The following CNTN1 variants were observed in gnomAD, a reference collection of about 807,000 sequenced individuals.
The protein encoded by CNTN1 is contactin 1, also known as contactin-1.
A neutral mutation model predicts 126.4 loss-of-function variants in CNTN1; 38 were observed. The observed-to-expected ratio is 0.30, with a 90% CI of 0.23 to 0.39. The LOEUF (loss-of-function observed/expected upper bound fraction) is 0.39. Among genes scored for constraint, CNTN1 ranks in the 10% least tolerant of loss-of-function variants. The probability of loss-of-function intolerance (pLI) is 1.00; values close to 1 mark genes in which losing one functional copy is unlikely to be tolerated. For synonymous variants in CNTN1, 413 were observed against 422.6 expected (o/e 0.98, Z 0.28); for missense variants, 1,009 against 1,248.4 (o/e 0.81, Z 2.89).
intron 23 of CNTN1, among the ~76,000 whole-genome samples, chr12:41,065,459 G>A (rs1053438279): frequency 6.6e-6 from 1 of 152,184 alleles, no homozygotes; most frequent in Non-Finnish European, 1.5e-5. Context: ...CAGAGTTATT[G>A]ACTGGATGTA....
At chr12:40,960,857 T>C (rs892802586) in intron 15 of CNTN1, among the ~76,000 whole-genome samples, 2 of 152,068 alleles carry the variant, frequency 1.3e-5, no homozygotes, top group Non-Finnish European at 2.9e-5. Context: ...GTATATTTAA[T>C]TGAAATTGCT....
At chr12:40,844,069 A>ATTTTTCTTTTTTTTTTTTTTTTTTT (rs1942397558) in intron 1 of CNTN1, among the ~76,000 whole-genome samples, 1 of 84,684 alleles carries the variant, frequency 1.2e-5, no homozygotes, top group African/African-American at 4.0e-5. Flanking sequence ...TGGCACAATG[A>ATTTTTCTTTTTTTTTTTTTTTTTTT]TTTTTTTTTT....
intron 1 of CNTN1, among the ~76,000 whole-genome samples, chr12:40,861,480 G>A (rs184485469): frequency 1.1e-4 from 17 of 152,112 alleles, no homozygotes; most frequent in African/African-American, 3.9e-4. Flanking sequence ...AAGAAAATAA[G>A]TGTAAGTAAT....
chr12:40,941,864 T>G (rs570744991), intron 12 of CNTN1, among the ~76,000 whole-genome samples: 2 of 152,222 alleles, frequency 1.3e-5, no homozygotes, highest in Admixed American at 1.3e-4. Context: ...TAGTCTATAT[T>G]ACTTTAAGAA....
At position 41,053,440 on chromosome 12, in the gene CNTN1, T is replaced by TATATATATATATATAA. The variant is rs1273840185; in HGVS notation, c.2981-16504_2981-16503insAATATATATATATATA. 1.3e-4 allele frequency among the ~76,000 whole-genome samples: 15 copies of TATATATATATATATAA among 117,818 alleles called. 1 individual carries two copies. The highest frequency in any genetic ancestry group is 4.6e-4 in the African/African-American group (13 of 28,398). 77.3% of individuals were successfully genotyped at this position (117,818 alleles called of 152,430 possible). ...CATGTTTTCACTAAATATATATATA[T>TATATATATATATATAA]ATATATATATATATATATATATATA... On this transcript the variant is annotated intron_variant, in intron 23 of 23. Coordinates refer to ENST00000551295, the MANE Select transcript of CNTN1 (RefSeq NM_001843.4).
At chr12:40,856,956 A>G (rs1051018782) in intron 1 of CNTN1, among the ~76,000 whole-genome samples, 1 of 152,148 alleles carries the variant, frequency 6.6e-6, no homozygotes, top group African/African-American at 2.4e-5. Context: ...ATGTTTTACA[A>G]ACATATACTT....
At chr12:40,739,645 T>C (rs1592033168) in intron 1 of CNTN1, among the ~76,000 whole-genome samples, 2 of 152,194 alleles carry the variant, frequency 1.3e-5, no homozygotes, top group Admixed American at 1.3e-4. Context: ...CAGCCATATC[T>C]GTAATGTTTT....
chr12:40,956,754 G>A (rs965642439), intron 14 of CNTN1, among the ~76,000 whole-genome samples: 3 of 152,040 alleles, frequency 2.0e-5, no homozygotes, highest in Non-Finnish European at 4.4e-5. Context: ...TCCCAGGAAA[G>A]GGAAATTTTA....
chr12:40,994,912 G>A (rs571909292), intron 17 of CNTN1, among the ~76,000 whole-genome samples: 1 of 152,150 alleles, frequency 6.6e-6, no homozygotes, highest in East Asian at 1.9e-4. Flanking sequence ...CTCAATGTAT[G>A]AGAACAGCTG....
At chr12:40,782,443 A>G (rs140144904) in intron 1 of CNTN1, among the ~76,000 whole-genome samples, 2 of 152,126 alleles carry the variant, frequency 1.3e-5, no homozygotes, top group Non-Finnish European at 2.9e-5. Context: ...CTGATCTTCT[A>G]TAGAACAAAT....
intron 1 of CNTN1, among the ~76,000 whole-genome samples, chr12:40,783,159 G>A (rs907596523): frequency 2.0e-5 from 3 of 151,924 alleles, no homozygotes; most frequent in African/African-American, 7.2e-5. Flanking sequence ...ATAGAAAGTC[G>A]AGTGAAGAAT....
chr12:40,767,658 G>T lies in CNTN1; in HGVS notation c.-77+75066G>T, dbSNP rs199804142. On this transcript the variant is annotated intron_variant, in intron 1 of 23. Coordinates refer to ENST00000551295, the MANE Select transcript of CNTN1 (RefSeq NM_001843.4). ...TTTGTTTGTTTGTTTGTTTGAGACG[G>T]CGTCTTGCTCTGTCGCCCAGGCTGG... is the stretch of plus-strand genomic sequence containing the variant. Among the ~76,000 whole-genome samples, 3 of 150,224 alleles carry T rather than the reference G, an allele frequency of 2.0e-5. No homozygotes were observed. In the East Asian group the frequency reaches 5.9e-4, roughly 30 times the overall value.
intron 1 of CNTN1, among the ~76,000 whole-genome samples, chr12:40,795,362 G>C (rs1400432719): frequency 1.4e-5 from 2 of 143,324 alleles, no homozygotes; most frequent in Non-Finnish European, 3.0e-5. Flanking sequence ...CTGTCGCCAG[G>C]CTGGAGTGCA....
Position 40,933,700 on chromosome 12 carries a change from T to C in CNTN1, c.807T>C (p.Pro269=). The C allele has an allele frequency of 6.2e-7, 1 of 1,612,702 alleles. No individual in the cohort carries two copies. Among genetic ancestry groups the C allele is most frequent in the Admixed American group, 1.7e-5 (1 of 59,844 alleles). The change falls in exon 9 of 24, where the codon CCT becomes CCC. Residue 269 remains proline, a synonymous_variant. Transcript: ENST00000551295. ...CCCTTGTATCTTCTATTTAAAGTCCTGTTCCGGATATCCGATGGCGGAAGG... is the reference window on the plus strand; with the variant it reads ...CCCTTGTATCTTCTATTTAAAGTCCCGTTCCGGATATCCGATGGCGGAAGG... The part of the protein sequence containing the change: ...VTLECFALGN[P]VPDIRWRKVL...
chr12:40,747,630 G>C (rs1468160545), intron 1 of CNTN1, among the ~76,000 whole-genome samples: 2 of 152,058 alleles, frequency 1.3e-5, no homozygotes, highest in East Asian at 3.9e-4. Context: ...TTGGCTGCTG[G>C]ATGGAGAATA....
At chr12:40,919,259 A>G (rs956514041) in intron 4 of CNTN1, among the ~76,000 whole-genome samples, 2 of 152,144 alleles carry the variant, frequency 1.3e-5, no homozygotes, top group Non-Finnish European at 2.9e-5. Flanking sequence ...CCAACACAGC[A>G]AATTTCTTAA....
chr12:40,993,416 C>A (rs1948139445), intron 17 of CNTN1, 147 bp downstream of exon 17: 5 of 632,610 alleles, frequency 7.9e-6, no homozygotes, highest in Non-Finnish European at 1.1e-5. Context: ...TCAAGACAGT[C>A]AAAAATCAAA....
intron 17 of CNTN1, among the ~76,000 whole-genome samples, chr12:40,995,146 ATAAATTACAT>A (rs1948182192): frequency 6.6e-6 from 1 of 152,094 alleles, no homozygotes; most frequent in South Asian, 2.1e-4. Flanking sequence ...TTTTTATCTA[ATAAATTACAT>A]TAAATTACAT....
At chr12:40,939,702 T>C (rs1044294811) in intron 12 of CNTN1, among the ~76,000 whole-genome samples, 3 of 152,104 alleles carry the variant, frequency 2.0e-5, no homozygotes, top group African/African-American at 7.2e-5. Context: ...GTATAAGGAA[T>C]TTAGAAAATT....
Sources: allele counts gnomAD v4.1 joint callset (sites outside exome capture counted in the v4.1 genomes callset), GRCh38; gene constraint gnomAD v4.1.1; transcripts MANE v1.5; gene names NCBI Gene and HGNC (gene_info 2026-07-23, HGNC 2026-07-21).